PHLPP2: variants seen among roughly 807,000 people sequenced by gnomAD.
The protein encoded by PHLPP2 is PH domain leucine-rich repeat-containing protein phosphatase 2.
A neutral mutation model predicts 124.9 loss-of-function variants in PHLPP2; 66 were observed. That is an observed-to-expected ratio of 0.53 (90% CI 0.43 to 0.65). PHLPP2 has a LOEUF of 0.65. Among genes scored for constraint, PHLPP2 ranks in the 30% least tolerant of loss-of-function variants. The pLI, the probability that PHLPP2 is intolerant of heterozygous loss-of-function variation, is 0.00. For missense variants in PHLPP2, 1,685 were observed against 1,600.4 expected (o/e 1.05, Z -0.90); for synonymous variants, 681 against 624.7 (o/e 1.09, Z -1.34).
intron 1 of PHLPP2, chr16:71,723,648 C>T: frequency 2.4e-6 from 1 of 409,386 alleles, no homozygotes; most frequent in Non-Finnish European, 3.9e-6. Flanking sequence ...CGGGGGCCGC[C>T]GACTGCCTCA....
intron 13 of PHLPP2, among the ~76,000 whole-genome samples, chr16:71,661,746 G>T (rs943369469): frequency 6.6e-6 from 1 of 152,126 alleles, no homozygotes; most frequent in Non-Finnish European, 1.5e-5. Flanking sequence ...AGGCTAAGGT[G>T]AGATGATCAC....
chr16:71,663,056 C>T (rs368172698), intron 13 of PHLPP2, among the ~76,000 whole-genome samples: 8 of 152,276 alleles, frequency 5.3e-5, no homozygotes, highest in African/African-American at 1.4e-4. Context: ...TGCAGTGTGA[C>T]CGGCAATGTA....
Position 71,645,100 on chromosome 16 carries a change from G to A in PHLPP2, c.*3790C>T, listed in dbSNP as rs1005471199. On this transcript the variant is annotated 3_prime_UTR_variant, in exon 19 of 19. Coordinates refer to ENST00000568954, the MANE Select transcript of PHLPP2 (RefSeq NM_015020.3). ...ATAATGAGTCTTAAGACTACAATAC[G>A]ACAATGATTGCACAAAACCGTAAGA... is the stretch of plus-strand genomic sequence containing the variant. The A allele has an allele frequency of 2.4e-5, 5 of 212,730 alleles. No homozygotes were observed. The highest frequency in any genetic ancestry group is 3.8e-5 in the Non-Finnish European group (4 of 105,238). The allele number at this position is 212,730 out of a possible 1,614,324, so 13.2% of individuals were successfully genotyped here. A position where few individuals can be genotyped will look rare whatever the true frequency, so the allele number is the denominator to read the frequency against.
In PHLPP2 at chr16:71,656,621, C is replaced by A. The variant is rs184881122; in HGVS notation, c.2340G>T (p.Thr780=). ...CCAGTCCATGGCTCCAGAAGGTTGA[C>A]GTAACTGTAGAATCTGTGGTTGGCA... The part of the protein sequence containing the change: ...KPLPTTDSTV[T]STFWSHGLAE... The change falls in exon 16 of 19, where the codon ACG becomes ACT. Residue 780 remains threonine (T), a synonymous_variant. Coordinates refer to ENST00000568954, the MANE Select transcript of PHLPP2 (RefSeq NM_015020.3). The A allele has an allele frequency of 1.9e-6, 3 of 1,613,530 alleles. No individual in the cohort carries two copies. The highest frequency in any genetic ancestry group is 2.5e-6 in the Non-Finnish European group (3 of 1,179,686).
rs2044667298 is a variant in PHLPP2 at position 71,648,283 on chromosome 16, G to A, written c.*607C>T. The A allele has an allele frequency of 6.5e-6, 1 of 154,858 alleles. No homozygotes were observed. Among genetic ancestry groups the A allele is most frequent in the South Asian group, 2.0e-4 (1 of 4,920 alleles). 9.6% of individuals were successfully genotyped at this position (154,858 alleles called of 1,614,324 possible). The stretch of plus-strand genomic sequence containing the variant: ...GCAAATTCTCAAAATGATCCTAGGA[G>A]AGAAAGGGTTAATGGCAGGTGGTAG... On this transcript the variant is annotated 3_prime_UTR_variant, in exon 19 of 19. Transcript: ENST00000568954.
At chr16:71,692,583 T>C (rs959021594) in intron 3 of PHLPP2, among the ~76,000 whole-genome samples, 1 of 152,198 alleles carries the variant, frequency 6.6e-6, no homozygotes, top group Non-Finnish European at 1.5e-5. Context: ...TCACCTTCTA[T>C]TCTAGGTCAA....
At chr16:71,708,078 T>TA (rs889645141) in intron 2 of PHLPP2, among the ~76,000 whole-genome samples, 1 of 152,188 alleles carries the variant, frequency 6.6e-6, no homozygotes, top group African/African-American at 2.4e-5. Context: ...ACGCCGCCCC[T>TA]AATCCTGCTC....
intron 1 of PHLPP2, among the ~76,000 whole-genome samples, chr16:71,717,573 C>T (rs931657664): frequency 2.0e-5 from 3 of 152,132 alleles, no homozygotes; most frequent in African/African-American, 7.2e-5. Flanking sequence ...TAGGGACCAT[C>T]GTATTTGTAC....
intron 1 of PHLPP2, among the ~76,000 whole-genome samples, chr16:71,720,805 A>C (rs1322640797): frequency 6.6e-6 from 1 of 151,974 alleles, no homozygotes; most frequent in African/African-American, 2.4e-5. Context: ...CGGTGAGCCA[A>C]GATCGTGCCA....
At position 71,650,117 on chromosome 16, in the gene PHLPP2, T is replaced by C. The variant is rs1468309938; in HGVS notation, c.2818-73A>G. ...GCCAACTTATCTTTCTAGATCACAGTGCTTAGGGAACTATAATAAAACAAT... is the reference window on the plus strand; with the variant it reads ...GCCAACTTATCTTTCTAGATCACAGCGCTTAGGGAACTATAATAAAACAAT... On this transcript the variant is annotated intron_variant, in intron 18 of 18. Transcript: ENST00000568954. 11 of 1,111,516 alleles carry C rather than the reference T, an allele frequency of 9.9e-6. No homozygotes were observed. The East Asian group carries it at 1.9e-4, about 19-fold the overall frequency. 68.9% of individuals were successfully genotyped at this position (1,111,516 alleles called of 1,614,324 possible).
At chr16:71,670,285 G>T (rs757722600) in intron 10 of PHLPP2, among the ~76,000 whole-genome samples, 11 of 152,152 alleles carry the variant, frequency 7.2e-5, no homozygotes, top group Admixed American at 3.3e-4. Context: ...ATGAGGTCAC[G>T]TCCAATGAAG....
At chr16:71,723,980 T>TCCGGCGGCTCGCCAGCTCCGCC (rs1194616862) in intron 1 of PHLPP2, 1 of 246,400 alleles carries the variant, frequency 4.1e-6, no homozygotes, top group African/African-American at 2.4e-5. Flanking sequence ...GCTCCGCCCC[T>TCCGGCGGCTCGCCAGCTCCGCC]CCGGCGGCTC....
At chr16:71,692,121 G>C (rs913601316) in intron 3 of PHLPP2, among the ~76,000 whole-genome samples, 2 of 151,844 alleles carry the variant, frequency 1.3e-5, no homozygotes, top group Non-Finnish European at 2.9e-5. Context: ...CCAGGTTGGA[G>C]TGCAGTGGCG....
Position 71,676,658 on chromosome 16 carries a change from G to T in PHLPP2, c.1269-9C>A. The T allele has an allele frequency of 6.3e-7, 1 of 1,578,596 alleles. No individual in the cohort carries two copies. The highest frequency in any genetic ancestry group is 1.1e-5 in the South Asian group (1 of 90,328). ...TTTTCAAATGGTTCATCCTTAATACGCAGAAACAAGAAAATAATCATAAAT... is the reference window on the plus strand; with the variant it reads ...TTTTCAAATGGTTCATCCTTAATACTCAGAAACAAGAAAATAATCATAAAT... On this transcript the variant is annotated splice_polypyrimidine_tract_variant and intron_variant, in intron 8 of 18. Coordinates refer to ENST00000568954, the MANE Select transcript of PHLPP2 (RefSeq NM_015020.3).
Position 71,662,302 on chromosome 16 carries a change from T to A in PHLPP2, c.1985+1597A>T, listed in dbSNP as rs536571444. ...AAAATTAGCCAGGTGTGGTGGCACA[T>A]GCTTATAATCCCAGCTACTTGGGAG... On this transcript the variant is annotated intron_variant, in intron 13 of 18. Coordinates refer to ENST00000568954, the MANE Select transcript of PHLPP2 (RefSeq NM_015020.3). 5.3e-5 allele frequency among the ~76,000 whole-genome samples: 8 copies of A among 151,838 alleles called. No homozygotes were observed. The South Asian group carries it at 1.0e-3, about 20-fold the overall frequency.
chr16:71,661,107 C>T (rs2044786152), intron 13 of PHLPP2, among the ~76,000 whole-genome samples: 1 of 148,838 alleles, frequency 6.7e-6, no homozygotes, highest in Non-Finnish European at 1.5e-5. Flanking sequence ...CGCTCTGTTG[C>T]CCAGGCTGCA....
intron 3 of PHLPP2, among the ~76,000 whole-genome samples, chr16:71,695,543 T>C (rs1005069747): frequency 6.6e-6 from 1 of 152,080 alleles, no homozygotes; most frequent in Non-Finnish European, 1.5e-5. Flanking sequence ...ACCCCGCCTC[T>C]ACTAAAAATA....
At chr16:71,676,190 C>T (rs980753818) in intron 9 of PHLPP2, among the ~76,000 whole-genome samples, 1 of 152,206 alleles carries the variant, frequency 6.6e-6, no homozygotes, top group Admixed American at 6.5e-5. Flanking sequence ...TGCTTGCCCA[C>T]CTCCCCACCA....
chr16:71,656,992 G>T (rs1270166471), intron 15 of PHLPP2, among the ~76,000 whole-genome samples: 1 of 151,842 alleles, frequency 6.6e-6, no homozygotes, highest in Admixed American at 6.6e-5. Context: ...GCCCAGGCTG[G>T]AGTGCAGTGG....
Sources: gnomAD v4.1 joint callset for allele counts (sites outside exome capture counted in the v4.1 genomes callset) on GRCh38, gnomAD v4.1.1 for gene constraint, MANE v1.5 for transcripts, NCBI Gene and HGNC (gene_info 2026-07-23, HGNC 2026-07-21) for gene names.